WASHC4: variants seen among roughly 807,000 people sequenced by gnomAD.
WASHC4 encodes the protein WASH complex subunit 7.
In WASHC4, 86 loss-of-function variants were observed where a neutral mutation model predicts 166.6. The observed-to-expected ratio is 0.52, with a 90% CI of 0.43 to 0.62. WASHC4 has a LOEUF of 0.62. Among genes scored for constraint, WASHC4 ranks in the 20% least tolerant of loss-of-function variants. WASHC4 has a pLI of 0.00. For synonymous variants in WASHC4, 446 were observed against 451.6 expected (o/e 0.99, Z 0.16); for missense variants, 1,262 against 1,382.4 (o/e 0.91, Z 1.38).
At chr12:105,134,114 G>A (rs1270359433) in intron 14 of WASHC4, among the ~76,000 whole-genome samples, 1 of 152,000 alleles carries the variant, frequency 6.6e-6, no homozygotes, top group Non-Finnish European at 1.5e-5. Flanking sequence ...CTGTATCGTA[G>A]AAGTTTTGAT....
intron 6 of WASHC4, among the ~76,000 whole-genome samples, chr12:105,116,033 G>A (rs1021122810): frequency 1.4e-4 from 22 of 152,130 alleles, no homozygotes; most frequent in Non-Finnish European, 2.9e-4. Context: ...ATCAGGAAAA[G>A]TTGTTAACGG....
chr12:105,166,882 A>T lies in WASHC4; in HGVS notation c.3473A>T (p.Asn1158Ile). The T allele has an allele frequency of 6.2e-7, 1 of 1,605,592 alleles. No homozygotes were observed. The highest frequency in any genetic ancestry group is 8.5e-7 in the Non-Finnish European group (1 of 1,175,748). ...CTTTCAGAAGAAACTAAAACAAGCA[A>T]TGGAGACCTGTCTGACAGCACTGTG... ...KEKEEETKTS[N>I]GDLSDSTVSA... Residue 1158 changes from asparagine (N) to isoleucine (I), a missense_variant, in exon 33 of 33, where the codon AAT becomes ATT. By Grantham distance (149) the Asn-to-Ile change is moderately radical (BLOSUM62 -3). Transcript: ENST00000332180.
intron 15 of WASHC4, among the ~76,000 whole-genome samples, chr12:105,140,032 C>T (rs1034024539): frequency 1.3e-4 from 19 of 151,914 alleles, no homozygotes; most frequent in African/African-American, 3.4e-4. Flanking sequence ...CCACCATGCC[C>T]GGCTAATTTT....
intron 12 of WASHC4, 134 bp downstream of exon 12, chr12:105,126,496 C>A: frequency 1.4e-6 from 1 of 695,876 alleles, no homozygotes; most frequent in Non-Finnish European, 2.3e-6. Context: ...TTCAAGTATT[C>A]CAGAAATAAG....
At chr12:105,133,625 A>G (rs1320817368) in intron 13 of WASHC4, 145 bp from the exon 14 acceptor site, 1 of 636,990 alleles carries the variant, frequency 1.6e-6, no homozygotes, top group Non-Finnish European at 2.7e-6. Flanking sequence ...TTGAATGAGT[A>G]AATTATATAT....
chr12:105,162,258 A>C (rs1485921544), intron 29 of WASHC4, among the ~76,000 whole-genome samples: 1 of 152,230 alleles, frequency 6.6e-6, no homozygotes, highest in Non-Finnish European at 1.5e-5. Context: ...TTCACACTTA[A>C]GAACATGAAA....
chr12:105,131,023 G>A (rs1881753996), intron 13 of WASHC4, among the ~76,000 whole-genome samples: 1 of 151,788 alleles, frequency 6.6e-6, no homozygotes, highest in African/African-American at 2.4e-5. Flanking sequence ...CTCTTTGTCA[G>A]TTAACTTGCT....
intron 26 of WASHC4, 87 bp downstream of exon 26, chr12:105,152,538 T>C (rs1883850429): frequency 1.2e-6 from 1 of 827,016 alleles, no homozygotes; most frequent in South Asian, 1.4e-5. Flanking sequence ...AATAAGCAGC[T>C]CATGTGAAAG....
chr12:105,128,074 T>C (rs1881452873), intron 13 of WASHC4, among the ~76,000 whole-genome samples: 1 of 152,190 alleles, frequency 6.6e-6, no homozygotes, highest in South Asian at 2.1e-4. Context: ...TGACAGATTT[T>C]TGTTTGTGAT....
intron 28 of WASHC4, among the ~76,000 whole-genome samples, chr12:105,159,484 A>G (rs1884361392): frequency 6.6e-6 from 1 of 152,230 alleles, no homozygotes; most frequent in Non-Finnish European, 1.5e-5. Flanking sequence ...GTAGTTAGAT[A>G]TAGTTGGATT....
Position 105,133,815 on chromosome 12 carries a change from A to T in WASHC4, c.1245A>T (p.Lys415Asn), listed in dbSNP as rs1660956967. ...TCTTTGTGAGCTCATGGATGATGAA[A>T]ATGGAATCTATTTTGTCTAAAGAGC... Reference protein sequence around the residue: ...YYVFVSSWMMKMESILSKEQR... With the variant: ...YYVFVSSWMMNMESILSKEQR... The change falls in exon 14 of 33, where the codon AAA becomes AAT. Residue 415 changes from lysine to asparagine, a missense_variant. Lys to Asn is a moderately conservative substitution (Grantham distance 94). Coordinates refer to ENST00000332180, the MANE Select transcript of WASHC4 (RefSeq NM_015275.3). The T allele has an allele frequency of 6.2e-7, 1 of 1,612,162 alleles. No individual in the cohort carries two copies. Among genetic ancestry groups the T allele is most frequent in the Non-Finnish European group, 8.5e-7 (1 of 1,178,564 alleles).
chr12:105,156,451 TGTA>T (rs1373757529), intron 26 of WASHC4: 2 of 184,602 alleles, frequency 1.1e-5, no homozygotes, highest in South Asian at 1.6e-4. Flanking sequence ...ACCATTTTAA[TGTA>T]GTCAGCATTT....
chr12:105,142,430 C>G (rs1327533218), intron 18 of WASHC4, 23 bp from the exon 19 acceptor site: 1 of 1,375,080 alleles, frequency 7.3e-7, no homozygotes, highest in Admixed American at 1.7e-5. Flanking sequence ...TTTGGTGTGA[C>G]TGATTACTAC....
At chr12:105,107,940 CG>C in intron 1 of WASHC4, 79 bp downstream of exon 1, 1 of 1,066,496 alleles carries the variant, frequency 9.4e-7, no homozygotes, top group Non-Finnish European at 1.4e-6. Flanking sequence ...AGCGCTCCTG[CG>C]AGAGGGACGG....
At chr12:105,163,362 G>A (rs748123827) in intron 30 of WASHC4, among the ~76,000 whole-genome samples, 22 of 152,150 alleles carry the variant, frequency 1.4e-4, no homozygotes, top group Non-Finnish European at 1.8e-4. Flanking sequence ...TGCCTTCTTA[G>A]TATTGCTAAT....
chr12:105,121,647 A>ACAG (rs1880759517), intron 9 of WASHC4, among the ~76,000 whole-genome samples: 1 of 152,180 alleles, frequency 6.6e-6, no homozygotes, highest in South Asian at 2.1e-4. Context: ...AGCTGGGACT[A>ACAG]CAGGCGTGTG....
intron 13 of WASHC4, among the ~76,000 whole-genome samples, chr12:105,131,103 G>A (rs1278559092): frequency 2.0e-5 from 3 of 147,000 alleles, no homozygotes; most frequent in Middle Eastern, 3.3e-3. Context: ...TTTTTGAGAC[G>A]GAGTCTCGCT....
chr12:105,142,307 C>G (rs1302174086), intron 18 of WASHC4, 146 bp from the exon 19 acceptor site: 2 of 624,472 alleles, frequency 3.2e-6, no homozygotes, highest in Non-Finnish European at 5.8e-6. Flanking sequence ...TCTTTTGTGA[C>G]TTTTCTATAC....
At chr12:105,146,656 T>A (rs182725020) in intron 23 of WASHC4, 130 bp downstream of exon 23, 568 of 657,280 alleles carry the variant, frequency 8.6e-4, no homozygotes, top group Admixed American at 1.7e-3. Context: ...AGGCCTTGTT[T>A]ATTTTTTTGC....
Sources: gnomAD v4.1 joint callset for allele counts (sites outside exome capture counted in the v4.1 genomes callset) on GRCh38, gnomAD v4.1.1 for gene constraint, MANE v1.5 for transcripts, NCBI Gene and HGNC (gene_info 2026-07-23, HGNC 2026-07-21) for gene names.